Variants in CACUL1 observed in about 807,000 individuals in gnomAD.
The protein encoded by CACUL1 is CDK2 associated cullin domain 1, also known as CDK2-associated and cullin domain-containing protein 1.
CACUL1 carries 13 observed loss-of-function variants against 45.2 expected under a neutral mutation model. The observed-to-expected ratio is 0.29, with a 90% CI of 0.19 to 0.46. The LOEUF (loss-of-function observed/expected upper bound fraction) is 0.46, where lower values mean the gene tolerates loss of function less well. CACUL1 is among the 20% of genes least tolerant of loss of function. The probability of loss-of-function intolerance (pLI) is 1.00; values close to 1 mark genes in which losing one functional copy is unlikely to be tolerated. For synonymous variants in CACUL1, 197 were observed against 174.2 expected (o/e 1.13, Z -1.03); for missense variants, 421 against 471.4 (o/e 0.89, Z 0.99).
chr10:118,753,635 T>C (rs1845921044), intron 1 of CACUL1, among the ~76,000 whole-genome samples: 1 of 152,254 alleles, frequency 6.6e-6, no homozygotes, highest in Non-Finnish European at 1.5e-5. Flanking sequence ...GATTTTGGTC[T>C]TAAATCTTAA....
intron 3 of CACUL1, among the ~76,000 whole-genome samples, chr10:118,713,432 G>A (rs1313336325): frequency 6.6e-6 from 1 of 152,164 alleles, no homozygotes; most frequent in Non-Finnish European, 1.5e-5. Flanking sequence ...GGAGCATGCA[G>A]CCCCACCTGT....
At chr10:118,701,998 G>T (rs1176051223) in intron 4 of CACUL1, among the ~76,000 whole-genome samples, 1 of 152,188 alleles carries the variant, frequency 6.6e-6, no homozygotes, top group Non-Finnish European at 1.5e-5. Flanking sequence ...GCCCAAGCCT[G>T]CATGTATACA....
chr10:118,698,591 T>C (rs1342040311), intron 5 of CACUL1, among the ~76,000 whole-genome samples: 1 of 152,120 alleles, frequency 6.6e-6, no homozygotes, highest in Non-Finnish European at 1.5e-5. Context: ...TTCCTGTATC[T>C]TGAGATACTC....
rs576842286 is a variant in CACUL1, at chr10:118,743,014, T to C, written c.367+11382A>G. ...TACTACTTCAAGAAACTGGATACAG[T>C]TCTAACAGTTTGCTTGGTTAACTGA... On this transcript the variant is annotated intron_variant, in intron 1 of 8. Transcript: ENST00000369151. Among the ~76,000 whole-genome samples the C allele has an allele frequency of 7.9e-5, 12 of 152,320 alleles. No individual in the cohort carries two copies. The East Asian group carries it at 2.1e-3, about 27-fold the overall frequency.
intron 1 of CACUL1, among the ~76,000 whole-genome samples, chr10:118,742,237 G>T (rs560537493): frequency 4.4e-4 from 67 of 152,286 alleles, no homozygotes; most frequent in African/African-American, 1.4e-3. Flanking sequence ...TATCTTTAGA[G>T]GTTAATAACC....
chr10:118,695,437 A>G (rs983784829), intron 5 of CACUL1, among the ~76,000 whole-genome samples: 2 of 152,206 alleles, frequency 1.3e-5, no homozygotes, highest in Admixed American at 6.5e-5. Flanking sequence ...CTGGCCACTA[A>G]TGGAAATGAA....
intron 7 of CACUL1, among the ~76,000 whole-genome samples, chr10:118,687,893 C>G (rs939592153): frequency 6.6e-6 from 1 of 152,140 alleles, no homozygotes; most frequent in Non-Finnish European, 1.5e-5. Flanking sequence ...TCCATGAAAA[C>G]AGGAACTTGG....
chr10:118,684,821 T>C lies in CACUL1; in HGVS notation c.*1307A>G, dbSNP rs1308681160. ...AGAGGTAAATACTATTAGTCTGATG[T>C]TGCCTAGTAGAGAAGCCTATGCTCA... On this transcript the variant is annotated 3_prime_UTR_variant, in exon 9 of 9. Coordinates refer to ENST00000369151, the MANE Select transcript of CACUL1 (RefSeq NM_153810.5). The C allele has an allele frequency of 6.6e-6, 1 of 152,236 alleles. No individual in the cohort carries two copies. Among genetic ancestry groups the C allele is most frequent in the Non-Finnish European group, 1.5e-5 (1 of 68,038 alleles). The allele number at this position is 152,236 out of a possible 1,614,324, so 9.4% of individuals were successfully genotyped here.
chr10:118,741,701 A>C (rs1198465189), intron 1 of CACUL1, among the ~76,000 whole-genome samples: 1 of 152,138 alleles, frequency 6.6e-6, no homozygotes, highest in East Asian at 1.9e-4. Context: ...AAATTGTAAC[A>C]CCCTAACTAG....
intron 1 of CACUL1, among the ~76,000 whole-genome samples, chr10:118,734,689 G>A (rs1186391432): frequency 6.6e-6 from 1 of 152,134 alleles, no homozygotes. Flanking sequence ...AGGCACAGAG[G>A]TTCAAGAAAT....
rs1008257309 is a variant in CACUL1 at position 118,681,663 on chromosome 10, T to C, written c.*4465A>G. ...CAACCAGCAGGGATGCAATATATAGTAGGTTCCCCTATGAATGAAGCTCAA... is the reference window on the plus strand; with the variant it reads ...CAACCAGCAGGGATGCAATATATAGCAGGTTCCCCTATGAATGAAGCTCAA... On this transcript the variant is annotated 3_prime_UTR_variant, in exon 9 of 9. Coordinates refer to ENST00000369151, the MANE Select transcript of CACUL1 (RefSeq NM_153810.5). 2 of 152,236 alleles carry C rather than the reference T, an allele frequency of 1.3e-5. No individual in the cohort carries two copies. Among genetic ancestry groups the C allele is most frequent in the African/African-American group, 4.8e-5 (2 of 41,452 alleles). The allele number at this position is 152,236 out of a possible 1,614,324, so 9.4% of individuals were successfully genotyped here.
At chr10:118,737,689 T>TAA (rs60182117) in intron 1 of CACUL1, among the ~76,000 whole-genome samples, 2 of 141,398 alleles carry the variant, frequency 1.4e-5, no homozygotes, top group African/African-American at 2.6e-5. Flanking sequence ...ACTACTATCT[T>TAA]AAAAAAAAAA....
chr10:118,746,216 T>C (rs989774208), intron 1 of CACUL1, among the ~76,000 whole-genome samples: 2 of 150,616 alleles, frequency 1.3e-5, no homozygotes, highest in Non-Finnish European at 3.0e-5. Context: ...AGACATTCCA[T>C]CATGATAAAC....
chr10:118,736,895 A>C (rs1845745550), intron 1 of CACUL1, among the ~76,000 whole-genome samples: 1 of 152,132 alleles, frequency 6.6e-6, no homozygotes, highest in Non-Finnish European at 1.5e-5. Flanking sequence ...TACAGTATTC[A>C]GTACAGTAGC....
At chr10:118,733,377 C>T (rs1225140851) in intron 1 of CACUL1, among the ~76,000 whole-genome samples, 1 of 151,830 alleles carries the variant, frequency 6.6e-6, no homozygotes, top group Non-Finnish European at 1.5e-5. Context: ...TTATTATATA[C>T]AATATACATC....
At chr10:118,738,992 T>TA (rs1554897224) in intron 1 of CACUL1, among the ~76,000 whole-genome samples, 2 of 145,718 alleles carry the variant, frequency 1.4e-5, no homozygotes, top group Non-Finnish European at 3.0e-5. Flanking sequence ...GGTCAGGAGA[T>TA]AGAGTCTCCT....
chr10:118,699,515 A>C (rs1232030217), intron 5 of CACUL1, among the ~76,000 whole-genome samples: 2 of 152,238 alleles, frequency 1.3e-5, no homozygotes, highest in Non-Finnish European at 2.9e-5. Flanking sequence ...GGCTTTTTCT[A>C]CCAAATGGTA....
intron 3 of CACUL1, among the ~76,000 whole-genome samples, chr10:118,724,474 G>C (rs564759145): frequency 1.8e-4 from 27 of 152,118 alleles, no homozygotes; most frequent in Non-Finnish European, 4.0e-4. Flanking sequence ...AGTTAAATAG[G>C]ATACGTTAGG....
At chr10:118,720,905 T>C (rs1845593549) in intron 3 of CACUL1, among the ~76,000 whole-genome samples, 1 of 152,078 alleles carries the variant, frequency 6.6e-6, no homozygotes, top group Admixed American at 6.5e-5. Context: ...CTTTAAGTTC[T>C]AGTAGAGAGG....
Sources: gnomAD v4.1 joint callset for allele counts (sites outside exome capture counted in the v4.1 genomes callset) on GRCh38, gnomAD v4.1.1 for gene constraint, MANE v1.5 for transcripts, NCBI Gene and HGNC (gene_info 2026-07-23, HGNC 2026-07-21) for gene names.